Variants in STK17A observed in about 807,000 individuals in gnomAD.
The protein encoded by STK17A is serine/threonine kinase 17a.
In STK17A, 26 loss-of-function variants were observed where a neutral mutation model predicts 43.7. The observed-to-expected ratio is 0.60, with a 90% CI of 0.44 to 0.83. The LOEUF (loss-of-function observed/expected upper bound fraction) is 0.83, where lower values mean the gene tolerates loss of function less well. STK17A is among the 40% of genes least tolerant of loss of function. The pLI is 0.00. For missense variants in STK17A, 476 were observed against 511.6 expected, an observed-to-expected ratio of 0.93 and a Z score of 0.67; for synonymous variants, 191 against 182.5, an observed-to-expected ratio of 1.05 and a Z score of -0.38.
chr7:43,616,003 C>T (rs1388562271), intron 3 of STK17A, among the ~76,000 whole-genome samples: 2 of 152,154 alleles, frequency 1.3e-5, no homozygotes, highest in Non-Finnish European at 2.9e-5. Flanking sequence ...CTTAAAGCGA[C>T]CTGAGGTGTA....
rs1466392903 is a variant in STK17A, at chr7:43,587,885, AAGTC to A, written c.206+4443_206+4446del. 6.6e-5 allele frequency among the ~76,000 whole-genome samples: 10 copies of A among 151,782 alleles called. No homozygotes were observed. In the South Asian group the frequency reaches 1.5e-3, roughly 22 times the overall value. ...GCTTCTGCTCTTAGGCAGGTACTTT[AAGTC>A]AGTCAGCTGTTTAATTTTGAAAAGT... is the stretch of plus-strand genomic sequence containing the variant. On this transcript the variant is annotated intron_variant, in intron 1 of 6. Coordinates refer to ENST00000319357, the MANE Select transcript of STK17A (RefSeq NM_004760.3).
intron 2 of STK17A, among the ~76,000 whole-genome samples, chr7:43,605,666 G>A (rs2082583937): frequency 6.6e-6 from 1 of 151,570 alleles, no homozygotes; most frequent in Non-Finnish European, 1.5e-5. Flanking sequence ...TTCCACTTCT[G>A]CTTGGGTTCC....
intron 3 of STK17A, among the ~76,000 whole-genome samples, chr7:43,617,729 T>C (rs2083477412): frequency 6.6e-6 from 1 of 152,088 alleles, no homozygotes; most frequent in Non-Finnish European, 1.5e-5. Flanking sequence ...TCTTAAGGTG[T>C]AGGTGATATT....
intron 1 of STK17A, among the ~76,000 whole-genome samples, chr7:43,593,441 T>G (rs1476494488): frequency 1.3e-5 from 2 of 152,234 alleles, no homozygotes; most frequent in Non-Finnish European, 2.9e-5. Context: ...AAATGGTAGT[T>G]CTTTGAGAAA....
intron 2 of STK17A, among the ~76,000 whole-genome samples, chr7:43,602,141 C>A (rs1392815640): frequency 2.0e-5 from 3 of 152,116 alleles, no homozygotes; most frequent in East Asian, 3.9e-4. Flanking sequence ...TATTTAAGTT[C>A]TTTAATTCTC....
intron 3 of STK17A, among the ~76,000 whole-genome samples, chr7:43,618,394 G>T (rs1193659227): frequency 6.6e-6 from 1 of 152,164 alleles, no homozygotes; most frequent in African/African-American, 2.4e-5. Context: ...TGTGGGAGTA[G>T]CTGTGTTATT....
In STK17A at chr7:43,583,393, G is replaced by T; in HGVS notation, c.150G>T (p.Val50=). The change falls in exon 1 of 7, where the codon GTG becomes GTT. Residue 50 remains valine, a synonymous_variant. Coordinates refer to ENST00000319357, the MANE Select transcript of STK17A (RefSeq NM_004760.3). ...TGCTGACAGAGATACGCGCCGTGGT[G>T]CGCACCGAGCCCTTCCAGGACGGCT... ...RGLLTEIRAV[V]RTEPFQDGYS... The T allele has an allele frequency of 6.9e-7, 1 of 1,444,038 alleles. No homozygotes were observed. Among genetic ancestry groups the T allele is most frequent in the South Asian group, 1.4e-5 (1 of 70,698 alleles). 89.5% of individuals were successfully genotyped at this position (1,444,038 alleles called of 1,614,324 possible).
intron 3 of STK17A, 179 bp downstream of exon 3, chr7:43,608,579 A>T (rs1054099859): frequency 6.8e-6 from 4 of 591,694 alleles, no homozygotes; most frequent in African/African-American, 5.7e-5. Context: ...GATAATGCAC[A>T]CATGTGTACA....
intron 3 of STK17A, among the ~76,000 whole-genome samples, chr7:43,609,799 A>G (rs1187868207): frequency 1.3e-5 from 2 of 152,196 alleles, no homozygotes; most frequent in Admixed American, 6.5e-5. Context: ...ACCACCCCCA[A>G]AAAACTTTCC....
At chr7:43,606,782 TTTAG>T (rs1280623135) in intron 2 of STK17A, among the ~76,000 whole-genome samples, 1 of 152,072 alleles carries the variant, frequency 6.6e-6, no homozygotes, top group Non-Finnish European at 1.5e-5. Context: ...TGGCATTTAG[TTTAG>T]TTAATGAGTA....
In STK17A at chr7:43,583,413, A is replaced by G; in HGVS notation, c.170A>G (p.Asp57Gly). The G allele has an allele frequency of 7.0e-7, 1 of 1,431,242 alleles. No individual in the cohort carries two copies. The highest frequency in any genetic ancestry group is 9.2e-7 in the Non-Finnish European group (1 of 1,091,284). 88.7% of individuals were successfully genotyped at this position (1,431,242 alleles called of 1,614,324 possible). A position where few individuals can be genotyped will look rare whatever the true frequency, so the allele number is the denominator to read the frequency against. The change falls in exon 1 of 7, where the codon GAC becomes GGC. Residue 57 changes from aspartate to glycine, a missense_variant. By Grantham distance (94) the Asp-to-Gly change is moderately conservative. This residue lies in a region of STK17A where 320 missense variants were observed against 326.3 expected (regional missense o/e 0.98). Coordinates refer to ENST00000319357, the MANE Select transcript of STK17A (RefSeq NM_004760.3). ...RAVVRTEPFQ[D>G]GYSLCPGREL... ...GTGGTGCGCACCGAGCCCTTCCAGG[A>G]CGGCTACAGCCTGTGCCCGGGCCGG...
chr7:43,594,612 A>G (rs1376743481), intron 1 of STK17A, among the ~76,000 whole-genome samples: 1 of 152,208 alleles, frequency 6.6e-6, no homozygotes, highest in Non-Finnish European at 1.5e-5. Flanking sequence ...TTTACGGGTG[A>G]TGACTATCAC....
chr7:43,621,278 G>A (rs917676133), intron 4 of STK17A, among the ~76,000 whole-genome samples: 14 of 152,138 alleles, frequency 9.2e-5, no homozygotes, highest in Middle Eastern at 3.2e-3. Context: ...ACTAATATGC[G>A]TCATGACCAC....
At chr7:43,603,250 A>C (rs2082567111) in intron 2 of STK17A, among the ~76,000 whole-genome samples, 1 of 152,146 alleles carries the variant, frequency 6.6e-6, no homozygotes, top group Non-Finnish European at 1.5e-5. Flanking sequence ...ATCAGTATGA[A>C]TTGGCCAAAA....
chr7:43,615,458 T>G (rs908165238), intron 3 of STK17A, among the ~76,000 whole-genome samples: 1 of 152,124 alleles, frequency 6.6e-6, no homozygotes, highest in African/African-American at 2.4e-5. Context: ...ATTACAGATG[T>G]GAGCCACTGC....
chr7:43,612,508 C>T (rs1423329825), intron 3 of STK17A, among the ~76,000 whole-genome samples: 1 of 152,160 alleles, frequency 6.6e-6, no homozygotes, highest in Admixed American at 6.6e-5. Context: ...CACATTGCCT[C>T]AAAGCTAAAT....
At chr7:43,595,649 C>CA (rs34286278) in intron 1 of STK17A, among the ~76,000 whole-genome samples, 23,960 of 151,848 alleles carry the variant, frequency 0.16, 2,303 homozygotes, top group Non-Finnish European at 0.21. Context: ...TGTAACTCTG[C>CA]AAAAAAATGG....
At chr7:43,590,450 T>C (rs1309544326) in intron 1 of STK17A, among the ~76,000 whole-genome samples, 1 of 151,372 alleles carries the variant, frequency 6.6e-6, no homozygotes, top group Non-Finnish European at 1.5e-5. Context: ...CCTCTTGTTA[T>C]AATTGTTTAT....
intron 4 of STK17A, among the ~76,000 whole-genome samples, chr7:43,620,290 T>TG (rs2083745595): frequency 6.6e-6 from 1 of 152,140 alleles, no homozygotes; most frequent in Non-Finnish European, 1.5e-5. Flanking sequence ...TGAGGAAAAT[T>TG]GGAGTTTGAA....
Sources: allele counts gnomAD v4.1 joint callset (sites outside exome capture counted in the v4.1 genomes callset), GRCh38; gene constraint gnomAD v4.1.1; regional missense constraint gnomAD v4.1.1; transcripts MANE v1.5; gene names NCBI Gene and HGNC (gene_info 2026-07-23, HGNC 2026-07-21).